The following ADAMTS9 variants were observed in gnomAD, a reference collection of about 807,000 sequenced individuals.
ADAMTS9 encodes the protein A disintegrin and metalloproteinase with thrombospondin motifs 9.
In ADAMTS9, 107 loss-of-function variants were observed where a neutral mutation model predicts 257.1. That is an observed-to-expected ratio of 0.42 (90% CI 0.36 to 0.49). The LOEUF is 0.49. Ranked by LOEUF, ADAMTS9 falls within the 20% of genes least tolerant of loss-of-function variation. The pLI is 0.03. For missense variants in ADAMTS9, 2,353 were observed against 2,469.1 expected (o/e 0.95, Z 1.00); for synonymous variants, 982 against 880.9 (o/e 1.11, Z -2.03).
At chr3:64,535,267 T>A (rs567988220) in intron 37 of ADAMTS9, among the ~76,000 whole-genome samples, 2 of 152,182 alleles carry the variant, frequency 1.3e-5, no homozygotes, top group East Asian at 3.9e-4. Flanking sequence ...TAATCCCAGA[T>A]GCTCGGGAGA....
rs1576197559 is a variant in ADAMTS9, at chr3:64,687,509, G to A, written c.115+34C>T. Reference sequence around the variant, plus strand: ...GCGAGGACCGGGAGGCGGCGTCGGGGCCGGCGGGGTCCCGGGGGCCGGAGC... The same window carrying A: ...GCGAGGACCGGGAGGCGGCGTCGGGACCGGCGGGGTCCCGGGGGCCGGAGC... On this transcript the variant is annotated intron_variant, in intron 1 of 39. Transcript: ENST00000498707. This position sits in a 1 kb window ranked among gnomAD's most constrained non-coding sequence, Gnocchi z 4.4. 6.7e-7 allele frequency: 1 copy of A among 1,487,962 alleles called. No individual in the cohort carries two copies. Among genetic ancestry groups the A allele is most frequent in the Non-Finnish European group, 9.0e-7 (1 of 1,108,750 alleles). 92.2% of individuals were successfully genotyped at this position (1,487,962 alleles called of 1,614,324 possible). A position where few individuals can be genotyped will look rare whatever the true frequency, so the allele number is the denominator to read the frequency against.
At chr3:64,654,177 T>G (rs113534118) in intron 8 of ADAMTS9, among the ~76,000 whole-genome samples, 176 bp downstream of exon 8, 1 of 152,224 alleles carries the variant, frequency 6.6e-6, no homozygotes, top group Admixed American at 6.5e-5. Flanking sequence ...TTTACTCAAC[T>G]TTTGGAAGTC....
At chr3:64,547,007 C>T in intron 31 of ADAMTS9, 55 bp from the exon 32 acceptor site, 1 of 1,499,646 alleles carries the variant, frequency 6.7e-7, no homozygotes, top group Non-Finnish European at 9.1e-7. Context: ...GGGCAGCCCA[C>T]AATAGGCCCC....
intron 3 of ADAMTS9, among the ~76,000 whole-genome samples, chr3:64,673,568 A>C (rs1289913491): frequency 6.6e-6 from 1 of 152,224 alleles, no homozygotes; most frequent in Non-Finnish European, 1.5e-5. Flanking sequence ...CAATGTGTGG[A>C]CTTTGTTTAG....
At chr3:64,637,449 G>A (rs1011226451) in intron 12 of ADAMTS9, among the ~76,000 whole-genome samples, 2 of 152,162 alleles carry the variant, frequency 1.3e-5, no homozygotes, top group Non-Finnish European at 2.9e-5. Flanking sequence ...AGCCAAATTG[G>A]ATCTTTCTTT....
In ADAMTS9 at chr3:64,687,626, G is replaced by T. The variant is rs1701953137; in HGVS notation, c.32C>A (p.Thr11Lys). Residue 11 changes from threonine (T) to lysine (K), a missense_variant, in exon 1 of 40, where the codon ACG (threonine) becomes AAG (lysine). By Grantham distance (78) the Thr-to-Lys change is moderately conservative. Around this residue, in one of 3 missense-constraint regions of ADAMTS9, gnomAD observed 591 missense variants for 569.6 expected, o/e 1.04. Transcript: ENST00000498707. This position sits in a 1 kb window ranked among gnomAD's most constrained non-coding sequence, Gnocchi z 4.4. The stretch of plus-strand genomic sequence containing the variant: ...CTCGGCCAGGTCCCGCACCAGGAGC[G>T]TTAGCAGTGTGGCCCAGGATACAAA... The part of the protein sequence containing the change: MQFVSWATLL[T>K]LLVRDLAEMG... 6.3e-7 allele frequency: 1 copy of T among 1,582,814 alleles called. No individual in the cohort carries two copies. Among genetic ancestry groups the T allele is most frequent in the Non-Finnish European group, 8.6e-7 (1 of 1,166,090 alleles).
At chr3:64,546,027 A>C (rs2083193081) in intron 32 of ADAMTS9, among the ~76,000 whole-genome samples, 1 of 152,214 alleles carries the variant, frequency 6.6e-6, no homozygotes, top group African/African-American at 2.4e-5. Flanking sequence ...TCTTACATAG[A>C]AGCACTAGAA....
At chr3:64,588,521 C>T (rs1330931194) in intron 28 of ADAMTS9, 1 of 152,006 alleles carries the variant, frequency 6.6e-6, no homozygotes, top group Non-Finnish European at 1.5e-5. Context: ...CACTAATCGC[C>T]AGGATTCCCT....
intron 29 of ADAMTS9, among the ~76,000 whole-genome samples, chr3:64,566,155 A>C (rs2083540828): frequency 6.6e-6 from 1 of 152,220 alleles, no homozygotes; most frequent in African/African-American, 2.4e-5. Flanking sequence ...GCAAGTGGAC[A>C]ATCATTACTC....
In ADAMTS9 at chr3:64,615,428, G is replaced by T. The variant is rs2084743429; in HGVS notation, c.3082C>A (p.Arg1028=). The change falls in exon 21 of 40, where the codon CGA becomes AGA. Residue 1028 remains arginine, a synonymous_variant. Transcript: ENST00000498707. Reference sequence around the variant, plus strand: ...TTGCTGTCATCCAGTACATCATTTCGGGTATTGACACAAATAGCCCTTCTC... The same window carrying T: ...TTGCTGTCATCCAGTACATCATTTCTGGTATTGACACAAATAGCCCTTCTC... ...QRRRAICVNT[R]NDVLDDSKCT... 6.2e-7 allele frequency: 1 copy of T among 1,613,716 alleles called. No individual in the cohort carries two copies. Among genetic ancestry groups the T allele is most frequent in the Non-Finnish European group, 8.5e-7 (1 of 1,179,872 alleles).
At chr3:64,642,777 G>A (rs189412689) in intron 11 of ADAMTS9, among the ~76,000 whole-genome samples, 30 of 152,324 alleles carry the variant, frequency 2.0e-4, no homozygotes, top group African/African-American at 5.8e-4. Flanking sequence ...GGAGGGTGAC[G>A]CCCCGCGGCT....
At chr3:64,563,105 A>T (rs2083456757) in intron 29 of ADAMTS9, 1 of 152,204 alleles carries the variant, frequency 6.6e-6, no homozygotes, top group Non-Finnish European at 1.5e-5. Context: ...AAGAAACCAG[A>T]CTTTTAAAGT....
chr3:64,633,351 T>A, intron 14 of ADAMTS9, 121 bp downstream of exon 14: 5 of 1,445,020 alleles, frequency 3.5e-6, no homozygotes, highest in Middle Eastern at 2.2e-4. Flanking sequence ...GGCCACACTT[T>A]GAGAACCACT....
chr3:64,686,192 C>G lies in ADAMTS9; in HGVS notation c.516+376G>C, dbSNP rs1343721319. ...GCACCAATAAGGAGTCTGGTCCGCC[C>G]TGCGCTCAGCGGCTCCGCTCCCGGG... is the stretch of plus-strand genomic sequence containing the variant. On this transcript the variant is annotated intron_variant, in intron 2 of 39. Transcript: ENST00000498707. This position sits in a 1 kb window ranked among gnomAD's most constrained non-coding sequence, Gnocchi z 4.6. 2.0e-5 allele frequency among the ~76,000 whole-genome samples: 3 copies of G among 152,266 alleles called. No individual in the cohort carries two copies. Among genetic ancestry groups the G allele is most frequent in the Non-Finnish European group, 4.4e-5 (3 of 68,052 alleles).
intron 3 of ADAMTS9, among the ~76,000 whole-genome samples, chr3:64,679,495 C>G (rs893496888): frequency 1.3e-5 from 2 of 152,132 alleles, no homozygotes; most frequent in African/African-American, 4.8e-5. Context: ...CAAGGTGGTA[C>G]ATGTACAGTG....
intron 4 of ADAMTS9, among the ~76,000 whole-genome samples, chr3:64,657,024 C>A (rs9859761): frequency 0.21 from 32,276 of 151,988 alleles, 3,895 homozygotes; most frequent in Non-Finnish European, 0.27. Context: ...CTTTTCTGGA[C>A]CCATCTCGAA....
At chr3:64,579,552 C>T (rs187133579) in intron 28 of ADAMTS9, among the ~76,000 whole-genome samples, 4 of 151,966 alleles carry the variant, frequency 2.6e-5, no homozygotes, top group Non-Finnish European at 5.9e-5. Context: ...AGAAGGTAAG[C>T]GTAATGAGTT....
At chr3:64,570,775 A>G (rs547169966) in intron 28 of ADAMTS9, among the ~76,000 whole-genome samples, 2 of 151,052 alleles carry the variant, frequency 1.3e-5, no homozygotes, top group Admixed American at 1.3e-4. Flanking sequence ...TGGAGAGGAA[A>G]GGGCAGTATC....
rs191744183 is a variant in ADAMTS9 at position 64,620,119 on chromosome 3, A to G, written c.2813+995T>C. ...GTGACACTGGGTAGAGGCTAGAAAG[A>G]TCCTGGGCTTTGAAGTCAGAGCCTT... On this transcript the variant is annotated intron_variant, in intron 19 of 39. Transcript: ENST00000498707. Among the ~76,000 whole-genome samples, 187 of 152,174 alleles carry G rather than the reference A, an allele frequency of 1.2e-3. 1 individual carries two copies. Among genetic ancestry groups the G allele is most frequent in the Non-Finnish European group, 1.9e-3 (128 of 67,988 alleles).
Sources: gnomAD v4.1 joint callset for allele counts (sites outside exome capture counted in the v4.1 genomes callset) on GRCh38, gnomAD v4.1.1 for gene constraint, gnomAD v4.1.1 regional missense constraint, Gnocchi (gnomAD v3.1) non-coding constraint, MANE v1.5 for transcripts, NCBI Gene and HGNC (gene_info 2026-07-23, HGNC 2026-07-21) for gene names.